APBB1IP: variants seen among roughly 807,000 people sequenced by gnomAD.
APBB1IP encodes amyloid beta precursor protein binding family B member 1 interacting protein, also known as amyloid beta A4 precursor protein-binding family B member 1-interacting protein.
A neutral mutation model predicts 64.9 loss-of-function variants in APBB1IP; 27 were observed. That is an observed-to-expected ratio of 0.42 (90% CI 0.31 to 0.57). APBB1IP has a LOEUF of 0.57. Ranked by LOEUF, APBB1IP falls within the 20% of genes least tolerant of loss-of-function variation. The pLI, the probability that APBB1IP is intolerant of heterozygous loss-of-function variation, is 0.20. For missense variants in APBB1IP, 812 were observed against 845.5 expected (o/e 0.96, Z 0.49); for synonymous variants, 392 against 331.0 (o/e 1.18, Z -2.00).
intron 2 of APBB1IP, among the ~76,000 whole-genome samples, chr10:26,475,610 G>A (rs568415648): frequency 1.1e-4 from 17 of 152,178 alleles, no homozygotes; most frequent in Non-Finnish European, 1.6e-4. Flanking sequence ...AATCCCATCC[G>A]GCCATGGATG....
At chr10:26,491,049 C>T (rs569295447) in intron 2 of APBB1IP, among the ~76,000 whole-genome samples, 19 of 152,132 alleles carry the variant, frequency 1.2e-4, no homozygotes, top group South Asian at 8.3e-4. Context: ...GAAGTCGAGG[C>T]GAGTGGATCA....
intron 3 of APBB1IP, among the ~76,000 whole-genome samples, chr10:26,492,873 G>T (rs2479882): frequency 0.13 from 20,311 of 152,072 alleles, 1,689 homozygotes; most frequent in African/African-American, 0.23. Context: ...ATCTTAACAG[G>T]GTTCAAGAGC....
At chr10:26,534,553 C>A (rs1836596268) in intron 9 of APBB1IP, among the ~76,000 whole-genome samples, 1 of 152,128 alleles carries the variant, frequency 6.6e-6, no homozygotes, top group Admixed American at 6.6e-5. Flanking sequence ...CATGCTGGAG[C>A]CAATTAGCTC....
In APBB1IP at chr10:26,522,189, A is replaced by G. The variant is rs182804738; in HGVS notation, c.813+8529A>G. On this transcript the variant is annotated intron_variant, in intron 8 of 14. Coordinates refer to ENST00000376236, the MANE Select transcript of APBB1IP (RefSeq NM_019043.4). ...CCATCATCTTTTTAAGAAGCACATG[A>G]ATAAGTTTTTATTTTTTTTATAGAC... 6.1e-3 allele frequency among the ~76,000 whole-genome samples: 806 copies of G among 131,802 alleles called. 7 individuals are homozygous for G. The highest frequency in any genetic ancestry group is 0.021 in the African/African-American group (763 of 36,076). The allele number at this position is 131,802 out of a possible 152,430, so 86.5% of individuals were successfully genotyped here.
chr10:26,443,772 A>G (rs752819940), intron 2 of APBB1IP, among the ~76,000 whole-genome samples: 3 of 152,122 alleles, frequency 2.0e-5, no homozygotes, highest in Non-Finnish European at 4.4e-5. Flanking sequence ...CCTGGGCTCA[A>G]GTGATCCTTC....
intron 6 of APBB1IP, among the ~76,000 whole-genome samples, chr10:26,506,463 G>C (rs950756008): frequency 2.6e-5 from 4 of 152,220 alleles, no homozygotes; most frequent in African/African-American, 9.6e-5. Flanking sequence ...GCCCAGGCTG[G>C]TCTCAAACTC....
In APBB1IP at chr10:26,445,128, A is replaced by AAAAAG. The variant is rs1554772199; in HGVS notation, c.-1+6278_-1+6279insAGAAA. Among the ~76,000 whole-genome samples, 1,000 of 102,136 alleles carry AAAAAG rather than the reference A, an allele frequency of 9.8e-3. 7 individuals are homozygous for AAAAAG. The highest frequency in any genetic ancestry group is 0.016 in the Middle Eastern group (3 of 182). The allele number at this position is 102,136 out of a possible 152,430, so 67.0% of individuals were successfully genotyped here. On this transcript the variant is annotated intron_variant, in intron 2 of 14. Transcript: ENST00000376236. ...AAAAGAGGAAAAGAAAGAAAGAAAG[A>AAAAAG]AAAGAAAGAAAGAAAGAAAGAAAGA... is the stretch of plus-strand genomic sequence containing the variant.
intron 11 of APBB1IP, among the ~76,000 whole-genome samples, chr10:26,551,044 G>A (rs746435299): frequency 6.6e-6 from 1 of 152,204 alleles, no homozygotes; most frequent in Non-Finnish European, 1.5e-5. Flanking sequence ...GGATGGTGTG[G>A]GAAAGCCGGT....
At chr10:26,458,248 C>T (rs916380089) in intron 2 of APBB1IP, among the ~76,000 whole-genome samples, 2 of 152,062 alleles carry the variant, frequency 1.3e-5, no homozygotes, top group South Asian at 2.1e-4. Flanking sequence ...ATTAGCTGAG[C>T]GAGGTGGCAT....
intron 13 of APBB1IP, 96 bp from the exon 14 acceptor site, chr10:26,562,230 C>T: frequency 1.1e-6 from 1 of 913,088 alleles, no homozygotes; most frequent in Non-Finnish European, 1.7e-6. Context: ...TCTTTCTTTG[C>T]TTTAGAGATG....
At chr10:26,457,775 T>G (rs756611619) in intron 2 of APBB1IP, among the ~76,000 whole-genome samples, 2 of 152,168 alleles carry the variant, frequency 1.3e-5, no homozygotes, top group Non-Finnish European at 2.9e-5. Context: ...CACAGATAAG[T>G]ATGAGTTTTC....
chr10:26,444,089 A>G (rs1835366294), intron 2 of APBB1IP, among the ~76,000 whole-genome samples: 1 of 152,220 alleles, frequency 6.6e-6, no homozygotes, highest in Admixed American at 6.5e-5. Flanking sequence ...TTTCGTTTGC[A>G]GGAGACAATG....
At chr10:26,524,113 C>G (rs570321902) in intron 8 of APBB1IP, among the ~76,000 whole-genome samples, 2 of 152,178 alleles carry the variant, frequency 1.3e-5, no homozygotes, top group South Asian at 4.2e-4. Flanking sequence ...GACCTTCTCC[C>G]ACCCTCCTTT....
intron 6 of APBB1IP, among the ~76,000 whole-genome samples, chr10:26,504,443 C>T (rs1836146938): frequency 6.6e-6 from 1 of 152,202 alleles, no homozygotes; most frequent in South Asian, 2.1e-4. Flanking sequence ...GGCGCGGTGG[C>T]TCATGCCTGT....
At chr10:26,560,494 G>A (rs1836954000) in intron 12 of APBB1IP, among the ~76,000 whole-genome samples, 1 of 152,168 alleles carries the variant, frequency 6.6e-6, no homozygotes, top group Non-Finnish European at 1.5e-5. Flanking sequence ...AATCAGAACT[G>A]AGCAAAGCTC....
intron 2 of APBB1IP, among the ~76,000 whole-genome samples, chr10:26,474,683 A>C (rs746647535): frequency 6.6e-6 from 1 of 152,270 alleles, no homozygotes; most frequent in Non-Finnish European, 1.5e-5. Flanking sequence ...GCTGAAGCCA[A>C]ATGAAAAATT....
At chr10:26,471,072 CA>C (rs1208156687) in intron 2 of APBB1IP, among the ~76,000 whole-genome samples, 1 of 152,178 alleles carries the variant, frequency 6.6e-6, no homozygotes, top group African/African-American at 2.4e-5. Flanking sequence ...AGCTTATCAT[CA>C]CACCTTTTCT....
At chr10:26,493,985 C>T (rs573220408) in intron 3 of APBB1IP, among the ~76,000 whole-genome samples, 16 of 152,202 alleles carry the variant, frequency 1.1e-4, no homozygotes, top group South Asian at 1.0e-3. Flanking sequence ...TACAGGTGCA[C>T]GCCACCACAC....
chr10:26,555,627 G>A (rs1177998211), intron 11 of APBB1IP, among the ~76,000 whole-genome samples: 1 of 152,034 alleles, frequency 6.6e-6, no homozygotes, highest in Non-Finnish European at 1.5e-5. Context: ...GTTTGAGGTA[G>A]GGTCTCCTCC....
Sources: gnomAD v4.1 joint callset for allele counts (sites outside exome capture counted in the v4.1 genomes callset) on GRCh38, gnomAD v4.1.1 for gene constraint, MANE v1.5 for transcripts, NCBI Gene and HGNC (gene_info 2026-07-23, HGNC 2026-07-21) for gene names.